Variants in TJP1 observed in about 807,000 individuals in gnomAD.
The protein encoded by TJP1 is tight junction protein ZO-1.
TJP1 carries 43 observed loss-of-function variants against 194.2 expected under a neutral mutation model. The observed-to-expected ratio is 0.22, with a 90% confidence interval of 0.17 to 0.29. The LOEUF is 0.29. TJP1 is among the 10% of genes least tolerant of loss of function. The pLI is 1.00. For synonymous variants in TJP1, 801 were observed against 779.0 expected (o/e 1.03, Z -0.47); for missense variants, 1,971 against 2,185.7 (o/e 0.90, Z 1.96).
intron 2 of TJP1, among the ~76,000 whole-genome samples, chr15:29,950,393 A>G (rs1376341002): frequency 6.9e-6 from 1 of 144,516 alleles, no homozygotes; most frequent in Non-Finnish European, 1.5e-5. Context: ...CACCACCATA[A>G]CCACCACCAC....
chr15:29,714,134 T>A (rs1211997281), intron 23 of TJP1, among the ~76,000 whole-genome samples: 1 of 152,172 alleles, frequency 6.6e-6, no homozygotes, highest in East Asian at 1.9e-4. Context: ...AAGTTATACA[T>A]CACAAATAAG....
At chr15:29,863,481 A>G (rs1460805035) in intron 2 of TJP1, among the ~76,000 whole-genome samples, 1 of 152,120 alleles carries the variant, frequency 6.6e-6, no homozygotes, top group Non-Finnish European at 1.5e-5. Flanking sequence ...TGGCTAGAAC[A>G]GTGTTTTTAA....
chr15:29,772,953 G>C (rs1330178364), intron 3 of TJP1, among the ~76,000 whole-genome samples: 1 of 151,976 alleles, frequency 6.6e-6, no homozygotes, highest in African/African-American at 2.4e-5. Flanking sequence ...CTTTTGTAGA[G>C]ATGGGGATCT....
intron 23 of TJP1, among the ~76,000 whole-genome samples, chr15:29,715,130 C>G (rs1167339676): frequency 1.3e-5 from 2 of 152,064 alleles, no homozygotes; most frequent in Middle Eastern, 3.2e-3. Flanking sequence ...ATGACAAATC[C>G]ACATCTGTTT....
rs551275831 is a variant in TJP1 at position 29,932,507 on chromosome 15, A to T, written c.306+23725T>A. On this transcript the variant is annotated intron_variant, in intron 2 of 28. Transcript: ENST00000356107. ...CAGAATAAAAGACTCAAATGTAAAA[A>T]GCAAACTTTAAAACTTTAAAAAAAA... 2.6e-4 allele frequency among the ~76,000 whole-genome samples: 40 copies of T among 152,322 alleles called. No individual in the cohort carries two copies. In the South Asian group the frequency reaches 7.5e-3, roughly 28 times the overall value.
chr15:29,860,380 A>T (rs1258975115), intron 2 of TJP1, among the ~76,000 whole-genome samples: 1 of 152,154 alleles, frequency 6.6e-6, no homozygotes, highest in Non-Finnish European at 1.5e-5. Context: ...GGATTTGCAC[A>T]GTTATACTTA....
chr15:29,803,037 G>C (rs1472144043), intron 1 of TJP1, among the ~76,000 whole-genome samples: 1 of 152,036 alleles, frequency 6.6e-6, no homozygotes, highest in African/African-American at 2.4e-5. Flanking sequence ...GCGTGTACAT[G>C]GTTATCCTAA....
At chr15:29,742,525 G>T in intron 9 of TJP1, 117 bp downstream of exon 9, 1 of 1,235,920 alleles carries the variant, frequency 8.1e-7, no homozygotes, top group Non-Finnish European at 1.1e-6. Context: ...GTCATATGCA[G>T]ACAAATTCAC....
rs114270774 is a variant in TJP1 at position 29,721,431 on chromosome 15, G to C, written c.2413-723C>G. Among the ~76,000 whole-genome samples the C allele has an allele frequency of 5.0e-3, 767 of 152,022 alleles. 6 individuals carry two copies. The highest frequency in any genetic ancestry group is 0.017 in the African/African-American group (712 of 41,454). On this transcript the variant is annotated intron_variant, in intron 18 of 27. Coordinates refer to ENST00000614355, the MANE Select transcript of TJP1 (RefSeq NM_001330239.4). ...ATAAGACATGCTTCCTTCCCCTTCC[G>C]CCACGATTGTAAGTTGCCTGAGGCC...
chr15:29,741,487 T>C (rs1439956752), intron 9 of TJP1, 51 bp from the exon 10 acceptor site: 7 of 1,248,896 alleles, frequency 5.6e-6, no homozygotes, highest in Non-Finnish European at 8.2e-6. Flanking sequence ...CATGGAATAA[T>C]AATGCAAGCA....
chr15:29,731,417 G>C (rs2043650701), intron 15 of TJP1, among the ~76,000 whole-genome samples: 1 of 152,180 alleles, frequency 6.6e-6, no homozygotes, highest in East Asian at 1.9e-4. Context: ...TTGGTTACCA[G>C]TGTGTCAGGC....
Position 29,701,407 on chromosome 15 carries a change from C to G in TJP1, c.*188G>C, listed in dbSNP as rs1414396085. ...AACAGTCCCGTCAATCACAAACATG[C>G]AGTGTGTAGCATGTTTTCCGACCAT... is the stretch of plus-strand genomic sequence containing the variant. On this transcript the variant is annotated 3_prime_UTR_variant, in exon 28 of 28. Coordinates refer to ENST00000614355, the MANE Select transcript of TJP1 (RefSeq NM_001330239.4). 1 of 483,340 alleles carries G rather than the reference C, an allele frequency of 2.1e-6. No individual in the cohort carries two copies. Among genetic ancestry groups the G allele is most frequent in the Non-Finnish European group, 3.7e-6 (1 of 271,494 alleles). 29.9% of individuals were successfully genotyped at this position (483,340 alleles called of 1,614,324 possible).
chr15:29,862,955 G>A (rs561514608), intron 2 of TJP1, among the ~76,000 whole-genome samples: 10 of 151,176 alleles, frequency 6.6e-5, no homozygotes, highest in African/African-American at 2.4e-4. Context: ...GCTGGGGATC[G>A]GTTTTTATAA....
chr15:29,892,617 T>C (rs1003502731), intron 2 of TJP1, among the ~76,000 whole-genome samples: 1 of 152,138 alleles, frequency 6.6e-6, no homozygotes, highest in Non-Finnish European at 1.5e-5. Context: ...ATTCTGAAAA[T>C]CCTAGGGCCC....
intron 2 of TJP1, among the ~76,000 whole-genome samples, chr15:29,784,288 T>C (rs1436134356): frequency 1.3e-5 from 2 of 151,846 alleles, no homozygotes; most frequent in Non-Finnish European, 2.9e-5. Context: ...AAAAAAGAAA[T>C]AGCAACTCAA....
intron 5 of TJP1, among the ~76,000 whole-genome samples, chr15:29,763,011 G>A (rs1048890219): frequency 7.9e-5 from 12 of 152,198 alleles, no homozygotes; most frequent in African/African-American, 2.9e-4. Flanking sequence ...ATTTTTCCCA[G>A]CTCCTAGACC....
intron 2 of TJP1, among the ~76,000 whole-genome samples, chr15:29,893,355 T>C (rs2053374152): frequency 6.6e-6 from 1 of 152,218 alleles, no homozygotes; most frequent in South Asian, 2.1e-4. Context: ...GGATTTAGAA[T>C]ACTCATAAAC....
intron 2 of TJP1, among the ~76,000 whole-genome samples, chr15:29,790,194 T>C (rs980315112): frequency 2.6e-5 from 4 of 152,242 alleles, no homozygotes; most frequent in African/African-American, 9.6e-5. Flanking sequence ...ATTTACTATC[T>C]GGCTCTTTAT....
intron 2 of TJP1, among the ~76,000 whole-genome samples, chr15:29,778,502 A>T (rs971201057): frequency 3.3e-5 from 5 of 151,982 alleles, no homozygotes; most frequent in Non-Finnish European, 4.4e-5. Context: ...TGGCCCTTTC[A>T]ACAGATTTCT....
Sources: gnomAD v4.1 joint callset for allele counts (sites outside exome capture counted in the v4.1 genomes callset) on GRCh38, gnomAD v4.1.1 for gene constraint, MANE v1.5 for transcripts, NCBI Gene and HGNC (gene_info 2026-07-23, HGNC 2026-07-21) for gene names.